RXYLT1: variants seen among roughly 807,000 people sequenced by gnomAD.
The protein encoded by RXYLT1 is ribitol-5-phosphate xylosyltransferase 1.
A neutral mutation model predicts 43.5 loss-of-function variants in RXYLT1; 41 were observed. That is an observed-to-expected ratio of 0.94 (90% CI 0.73 to 1.22). The LOEUF is 1.22. Ranked by LOEUF, RXYLT1 falls within the 50% of genes most tolerant of loss-of-function variation. The pLI is 0.00. For synonymous variants in RXYLT1, 166 were observed against 194.4 expected (o/e 0.85, Z 1.21); for missense variants, 514 against 532.0 (o/e 0.97, Z 0.33).
At chr12:63,791,101 A>G (rs1223891029) in intron 3 of RXYLT1, among the ~76,000 whole-genome samples, 3 of 152,150 alleles carry the variant, frequency 2.0e-5, no homozygotes, top group African/African-American at 4.8e-5. Context: ...TTATATTAAT[A>G]TGTTCAATTA....
intron 3 of RXYLT1, chr12:63,795,758 C>T (rs1031631995): frequency 2.6e-5 from 4 of 151,992 alleles, no homozygotes; most frequent in African/African-American, 9.7e-5. Flanking sequence ...TCTCTATGAA[C>T]TTTAATCTAT....
At chr12:63,801,256 TAAC>T (rs1195183137) in intron 3 of RXYLT1, among the ~76,000 whole-genome samples, 3 of 151,590 alleles carry the variant, frequency 2.0e-5, no homozygotes, top group African/African-American at 7.3e-5. Flanking sequence ...TTGCTTTTTT[TAAC>T]ATTATATTTT....
chr12:63,796,937 A>G (rs141346671), intron 3 of RXYLT1, among the ~76,000 whole-genome samples: 119 of 151,680 alleles, frequency 7.8e-4, no homozygotes, highest in African/African-American at 2.7e-3. Context: ...TAGGGCCTAA[A>G]GAAAATTATA....
rs1199386379 is a variant in RXYLT1, at chr12:63,780,143, G to T, written c.169+14G>T. The T allele has an allele frequency of 1.4e-6, 2 of 1,461,950 alleles. No homozygotes were observed. Among genetic ancestry groups the T allele is most frequent in the Non-Finnish European group, 1.8e-6 (2 of 1,120,096 alleles). The allele number at this position is 1,461,950 out of a possible 1,614,324, so 90.6% of individuals were successfully genotyped here. On this transcript the variant is annotated intron_variant, in intron 1 of 5. Transcript: ENST00000261234. ...GACGCGGCCGAGGTAGGACTGGGTC[G>T]GCGGCTTCCTTCCGGCTCTGCGCTC...
Position 63,785,061 on chromosome 12 carries a change from A to G in RXYLT1, c.417A>G (p.Arg139=). The G allele has an allele frequency of 6.2e-7, 1 of 1,613,450 alleles. No individual in the cohort carries two copies. The highest frequency in any genetic ancestry group is 8.5e-7 in the Non-Finnish European group (1 of 1,179,432). ...QWREGKSIVG[R]TQYSFITGPA... The stretch of plus-strand genomic sequence containing the variant: ...GAGAAGGAAAGTCAATCGTAGGAAG[A>G]ACACAGTACAGGTATTGGTTGTATT... Residue 139 remains arginine, a synonymous_variant, in exon 3 of 6, where the codon AGA becomes AGG. Coordinates refer to ENST00000261234, the MANE Select transcript of RXYLT1 (RefSeq NM_014254.3).
chr12:63,800,173 T>G (rs1898128648), intron 3 of RXYLT1, among the ~76,000 whole-genome samples: 1 of 152,190 alleles, frequency 6.6e-6, no homozygotes. Context: ...AGCTCTGAAG[T>G]GAGACAGAAC....
rs529993559 is a variant in RXYLT1, at chr12:63,795,383, C to T, written c.429-6708C>T. The T allele has an allele frequency of 2.0e-5, 3 of 151,954 alleles. No individual in the cohort carries two copies. In the East Asian group the frequency reaches 5.8e-4, roughly 29 times the overall value. 9.4% of individuals were successfully genotyped at this position (151,954 alleles called of 1,614,324 possible). On this transcript the variant is annotated intron_variant, in intron 3 of 5. Coordinates refer to ENST00000261234, the MANE Select transcript of RXYLT1 (RefSeq NM_014254.3). ...GCTGAAGTAGGAGGATTGCTTCAGCCCAGGAATTCAAGACCAGCCTAGGAA... is the reference window on the plus strand; with the variant it reads ...GCTGAAGTAGGAGGATTGCTTCAGCTCAGGAATTCAAGACCAGCCTAGGAA...
intron 3 of RXYLT1, among the ~76,000 whole-genome samples, chr12:63,800,628 A>G (rs1018215765): frequency 6.6e-6 from 1 of 152,178 alleles, no homozygotes; most frequent in African/African-American, 2.4e-5. Context: ...AATACAGTTA[A>G]AAAGAGAGTA....
chr12:63,794,231 C>G (rs1442817058), intron 3 of RXYLT1, among the ~76,000 whole-genome samples: 1 of 152,150 alleles, frequency 6.6e-6, no homozygotes, highest in Admixed American at 6.5e-5. Context: ...TTTCCTCTCT[C>G]TATTGATGTG....
intron 2 of RXYLT1, among the ~76,000 whole-genome samples, chr12:63,783,452 C>G (rs2136221008): frequency 6.6e-6 from 1 of 151,836 alleles, no homozygotes; most frequent in Non-Finnish European, 1.5e-5. Flanking sequence ...CAGAGCGAGA[C>G]TCTGTCTCAA....
At chr12:63,794,499 A>T (rs543337686) in intron 3 of RXYLT1, among the ~76,000 whole-genome samples, 1 of 152,276 alleles carries the variant, frequency 6.6e-6, no homozygotes, top group Admixed American at 6.5e-5. Context: ...GCACCTCCTA[A>T]TGTTTAATTT....
intron 3 of RXYLT1, among the ~76,000 whole-genome samples, chr12:63,787,130 G>C (rs2136223149): frequency 6.6e-6 from 1 of 152,130 alleles, no homozygotes; most frequent in East Asian, 1.9e-4. Context: ...ATTGGAGCCA[G>C]TCCTCTCAAA....
In RXYLT1 at chr12:63,809,401, A is replaced by G. The variant is rs1898399202; in HGVS notation, c.*309A>G. 1 of 236,274 alleles carries G rather than the reference A, an allele frequency of 4.2e-6. No homozygotes were observed. Among genetic ancestry groups the G allele is most frequent in the Non-Finnish European group, 8.1e-6 (1 of 123,050 alleles). 14.6% of individuals were successfully genotyped at this position (236,274 alleles called of 1,614,324 possible). On this transcript the variant is annotated 3_prime_UTR_variant, in exon 6 of 6. Coordinates refer to ENST00000261234, the MANE Select transcript of RXYLT1 (RefSeq NM_014254.3). Reference sequence around the variant, plus strand: ...GTGTAAACAAATCTATTGCACTGCCAGTCAAGTAAAAGTACAGCAATTATG... The same window carrying G: ...GTGTAAACAAATCTATTGCACTGCCGGTCAAGTAAAAGTACAGCAATTATG...
At chr12:63,788,606 C>G (rs1463190428) in intron 3 of RXYLT1, among the ~76,000 whole-genome samples, 1 of 152,226 alleles carries the variant, frequency 6.6e-6, no homozygotes, top group Admixed American at 6.5e-5. Context: ...CCTGCAGCTT[C>G]CTCACCTTTC....
chr12:63,805,073 C>A, intron 4 of RXYLT1, 161 bp from the exon 5 acceptor site: 1 of 482,888 alleles, frequency 2.1e-6, no homozygotes, highest in Non-Finnish European at 3.5e-6. Flanking sequence ...TCAGTAGATT[C>A]AGGGAGTTTT....
chr12:63,807,595 A>G (rs1311812913), intron 5 of RXYLT1: 1 of 150,162 alleles, frequency 6.7e-6, no homozygotes, highest in Non-Finnish European at 1.5e-5. Context: ...ACTGAGTTTC[A>G]CTCTTATTGC....
chr12:63,795,831 T>G (rs998522734), intron 3 of RXYLT1: 3 of 152,142 alleles, frequency 2.0e-5, no homozygotes, highest in Non-Finnish European at 4.4e-5. Context: ...TATGGGAAAT[T>G]ATTGTTTTTT....
intron 3 of RXYLT1, among the ~76,000 whole-genome samples, chr12:63,796,542 C>G (rs1898034856): frequency 1.3e-5 from 2 of 152,110 alleles, no homozygotes; most frequent in South Asian, 4.1e-4. Context: ...GAGATAAATG[C>G]CATTCATTGA....
intron 3 of RXYLT1, among the ~76,000 whole-genome samples, chr12:63,797,241 G>C (rs953410163): frequency 5.9e-5 from 9 of 152,188 alleles, no homozygotes; most frequent in African/African-American, 2.2e-4. Flanking sequence ...TGGGATTACA[G>C]GCGTGAGCCA....
Sources: gnomAD v4.1 joint callset for allele counts (sites outside exome capture counted in the v4.1 genomes callset) on GRCh38, gnomAD v4.1.1 for gene constraint, MANE v1.5 for transcripts, NCBI Gene and HGNC (gene_info 2026-07-23, HGNC 2026-07-21) for gene names.